Variants in DIPK2B observed in about 807,000 individuals in gnomAD.
DIPK2B encodes the protein UPF0672 protein CXorf36.
A neutral mutation model predicts 22.2 loss-of-function variants in DIPK2B; 15 were observed. The observed-to-expected ratio is 0.68, with a 90% confidence interval of 0.45 to 1.04. The LOEUF (loss-of-function observed/expected upper bound fraction) is 1.04, where lower values mean the gene tolerates loss of function less well. Among genes scored for constraint, DIPK2B ranks in the 50% least tolerant of loss-of-function variants. The pLI, the probability that DIPK2B is intolerant of heterozygous loss-of-function variation, is 0.00. For missense variants in DIPK2B, 345 were observed against 348.3 expected, an observed-to-expected ratio of 0.99 and a Z score of 0.08; for synonymous variants, 163 against 153.2, an observed-to-expected ratio of 1.06 and a Z score of -0.47.
rs748932529 is a variant in DIPK2B, at chrX:45,151,814, G to A, written c.1140C>T (p.Asp380=). 55 of 1,210,603 alleles carry A rather than the reference G, an allele frequency of 4.5e-5. No individual in the cohort carries two copies. The highest frequency in any genetic ancestry group is 1.5e-4 in the East Asian group (5 of 33,766). ...LQGRFPSPVQ[D]DIDSILVQCG... is the part of the protein sequence containing the mutation. ...ACTGAACAAGGATGGAGTCTATGTC[G>A]TCTTGCACTGGGGAGGGGAACCTCC... The change falls in exon 5 of 5, where the codon GAC becomes GAT. Residue 380 remains aspartate (D), a synonymous_variant. Transcript: ENST00000398000.
intron 2 of DIPK2B, among the ~76,000 whole-genome samples, chrX:45,169,981 C>T (rs920362118): frequency 4.5e-5 from 5 of 110,912 alleles, no homozygotes; most frequent in Admixed American, 9.6e-5. Flanking sequence ...CGGTGGCTCA[C>T]GTCTGTAATC....
chrX:45,153,839 C>A, intron 4 of DIPK2B, 71 bp downstream of exon 4: 1 of 1,003,603 alleles, frequency 1.0e-6, no homozygotes, highest in East Asian at 3.2e-5. Context: ...TGACCCCTGG[C>A]CACCCCTCCC....
chrX:45,164,351 A>G, intron 2 of DIPK2B: 1 of 849,239 alleles, frequency 1.2e-6, no homozygotes, highest in Non-Finnish European at 1.6e-6. Flanking sequence ...AATGGCAGAT[A>G]GCATTATCCA....
At chrX:45,163,360 C>G (rs919852717) in intron 2 of DIPK2B, 4 of 734,801 alleles carry the variant, frequency 5.4e-6, no homozygotes, top group Non-Finnish European at 6.4e-6. Flanking sequence ...TTCTGTTTCT[C>G]TGGTAGAACC....
chrX:45,153,847 C>T (rs2046975084), intron 4 of DIPK2B, 63 bp downstream of exon 4: 1 of 1,073,698 alleles, frequency 9.3e-7, no homozygotes, highest in Non-Finnish European at 1.3e-6. Flanking sequence ...GGCCACCCCT[C>T]CCTAGCTCCT....
intron 2 of DIPK2B, chrX:45,191,474 T>A: frequency 3.0e-6 from 1 of 338,171 alleles, no homozygotes; most frequent in Non-Finnish European, 5.1e-6. Context: ...TCCTGTCAGA[T>A]CTTCAGGCCA....
In DIPK2B at chrX:45,168,729, G is replaced by A. The variant is rs766791427; in HGVS notation, c.499-10841C>T. Among the ~76,000 whole-genome samples, 3 of 111,919 alleles carry A rather than the reference G, an allele frequency of 2.7e-5. No individual in the cohort carries two copies. In the East Asian group the frequency reaches 8.5e-4, roughly 32 times the overall value. On this transcript the variant is annotated intron_variant, in intron 2 of 4. Coordinates refer to ENST00000398000, the MANE Select transcript of DIPK2B (RefSeq NM_176819.4). ...CCAGCGCCTCCCGCATGTCTTCTCCGTGTCTCCCCTCTTCAGGCCAACTGC... is the reference window on the plus strand; with the variant it reads ...CCAGCGCCTCCCGCATGTCTTCTCCATGTCTCCCCTCTTCAGGCCAACTGC...
At chrX:45,195,107 G>GA (rs950828731) in intron 1 of DIPK2B, among the ~76,000 whole-genome samples, 8 of 112,482 alleles carry the variant, frequency 7.1e-5, no homozygotes, top group Admixed American at 9.4e-5. Context: ...CATTGAATGG[G>GA]AAAAATGTAT....
intron 4 of DIPK2B, among the ~76,000 whole-genome samples, chrX:45,153,474 T>TTGTGTGTGTGTGTGTG (rs34281975): frequency 5.4e-5 from 4 of 73,862 alleles, no homozygotes; most frequent in South Asian, 1.7e-3. Context: ...CCCAAAAGTT[T>TTGTGTGTGTGTGTGTG]TGTGTGTGTG....
intron 2 of DIPK2B, chrX:45,164,271 T>C: frequency 8.4e-7 from 1 of 1,188,171 alleles, no homozygotes; most frequent in Admixed American, 2.3e-5. Flanking sequence ...AAATGATTGA[T>C]TAAAAAAAGG....
chrX:45,171,997 G>A (rs2047084809), intron 2 of DIPK2B, among the ~76,000 whole-genome samples: 1 of 112,011 alleles, frequency 8.9e-6, no homozygotes, highest in Non-Finnish European at 1.9e-5. Flanking sequence ...TTAGGCAGCT[G>A]GTGGTCAGTC....
intron 2 of DIPK2B, among the ~76,000 whole-genome samples, chrX:45,189,935 T>C (rs754443509): frequency 6.9e-4 from 77 of 112,169 alleles, no homozygotes; most frequent in Non-Finnish European, 1.3e-3. Flanking sequence ...AAAATTTTTC[T>C]GGTTTTGGCT....
intron 2 of DIPK2B, chrX:45,163,146 G>T: frequency 5.1e-6 from 1 of 197,391 alleles, no homozygotes; most frequent in Non-Finnish European, 7.7e-6. Context: ...GGGTGGGCCT[G>T]ATCCAATCAT....
chrX:45,189,570 G>A (rs1010336610), intron 2 of DIPK2B, among the ~76,000 whole-genome samples: 16 of 111,622 alleles, frequency 1.4e-4, no homozygotes, highest in Admixed American at 7.6e-4. Flanking sequence ...CCGAGATGGC[G>A]CCACTGCACT....
chrX:45,148,634 C>A lies in DIPK2B; in HGVS notation c.*3018G>T, dbSNP rs1312640437. The stretch of plus-strand genomic sequence containing the variant: ...CATCACTTCCAGGAGGGCACCAAGT[C>A]ATTCATGAGGCAACTTCCCCCATCA... On this transcript the variant is annotated 3_prime_UTR_variant, in exon 5 of 5. Coordinates refer to ENST00000398000, the MANE Select transcript of DIPK2B (RefSeq NM_176819.4). The A allele has an allele frequency of 9.1e-6, 1 of 110,171 alleles. No homozygotes were observed. The highest frequency in any genetic ancestry group is 1.9e-5 in the Non-Finnish European group (1 of 52,844). 9.1% of individuals were successfully genotyped at this position (110,171 alleles called of 1,213,427 possible).
chrX:45,154,172 C>G lies in DIPK2B; in HGVS notation c.699G>C (p.Pro233=). The G allele has an allele frequency of 8.3e-7, 1 of 1,205,777 alleles. No homozygotes were observed. Among genetic ancestry groups the G allele is most frequent in the Non-Finnish European group, 1.1e-6 (1 of 893,104 alleles). Residue 233 remains proline, a synonymous_variant, in exon 4 of 5, where the codon CCG becomes CCC. Coordinates refer to ENST00000398000, the MANE Select transcript of DIPK2B (RefSeq NM_176819.4). The part of the protein sequence containing the change: ...LQIFPGAEGW[P]LPKYLGSCGR... ...CACAGGAGCCCAGGTACTTGGGCAG[C>G]GGCCATCCCTCAGCCCCAGGGAAGA... is the stretch of plus-strand genomic sequence containing the variant.
At chrX:45,154,311 CTATCTATCTGTCT>C in intron 3 of DIPK2B, 113 bp from the exon 4 acceptor site, 1 of 628,850 alleles carries the variant, frequency 1.6e-6, no homozygotes, top group Non-Finnish European at 2.3e-6. Context: ...ATCTATCTAT[CTATCTATCTGTCT>C]ATCTATATCA....
intron 2 of DIPK2B, among the ~76,000 whole-genome samples, chrX:45,160,714 C>T (rs1287715682): frequency 8.9e-6 from 1 of 111,785 alleles, no homozygotes; most frequent in Non-Finnish European, 1.9e-5. Flanking sequence ...TGAGAGTAAA[C>T]AGGAGGAATC....
intron 1 of DIPK2B, among the ~76,000 whole-genome samples, chrX:45,200,277 T>C (rs914503873): frequency 1.8e-5 from 2 of 111,778 alleles, no homozygotes; most frequent in Non-Finnish European, 3.8e-5. Context: ...AGGCTTTCTA[T>C]AAATTTTATT....
Sources: gnomAD v4.1 joint callset for allele counts (sites outside exome capture counted in the v4.1 genomes callset) on GRCh38, gnomAD v4.1.1 for gene constraint, MANE v1.5 for transcripts, NCBI Gene and HGNC (gene_info 2026-07-23, HGNC 2026-07-21) for gene names.